The following GPD2 variants were observed in gnomAD, a reference collection of about 807,000 sequenced individuals.
GPD2 encodes the protein glycerol-3-phosphate dehydrogenase, mitochondrial.
Under a neutral mutation model 82.4 loss-of-function variants are expected in GPD2, and 54 were observed. The ratio of observed to expected loss-of-function variants is 0.66; its 90% CI spans 0.53 to 0.82. The LOEUF (loss-of-function observed/expected upper bound fraction) is 0.82. GPD2 is among the 40% of genes least tolerant of loss of function. The pLI, the probability that GPD2 is intolerant of heterozygous loss-of-function variation, is 0.00. For synonymous variants in GPD2, 288 were observed against 306.1 expected (o/e 0.94, Z 0.62); for missense variants, 748 against 896.2 (o/e 0.83, Z 2.11).
At chr2:156,493,926 A>ATGTGTGTG (rs542950582) in intron 2 of GPD2, among the ~76,000 whole-genome samples, 103 of 136,300 alleles carry the variant, frequency 7.6e-4, no homozygotes, top group African/African-American at 2.2e-3. Context: ...ATATATATGT[A>ATGTGTGTG]TGTGTGTGTG....
intron 6 of GPD2, among the ~76,000 whole-genome samples, chr2:156,526,690 A>T (rs1685621548): frequency 6.6e-6 from 1 of 152,186 alleles, no homozygotes. Context: ...AGCCATGCTT[A>T]AAAATACTGC....
chr2:156,584,115 A>C lies in GPD2; in HGVS notation c.*1197A>C, dbSNP rs1411031061. Reference sequence around the variant, plus strand: ...AATGGAAAAATAATCACCAACCCCCATCCCGACACACACACAGAGTCCAAA... The same window carrying C: ...AATGGAAAAATAATCACCAACCCCCCTCCCGACACACACACAGAGTCCAAA... On this transcript the variant is annotated 3_prime_UTR_variant, in exon 17 of 17. Coordinates refer to ENST00000438166, the MANE Select transcript of GPD2 (RefSeq NM_000408.5). 1 of 152,008 alleles carries C rather than the reference A, an allele frequency of 6.6e-6. No homozygotes were observed. Among genetic ancestry groups the C allele is most frequent in the Non-Finnish European group, 1.5e-5 (1 of 67,946 alleles). The allele number at this position is 152,008 out of a possible 1,614,324, so 9.4% of individuals were successfully genotyped here.
chr2:156,452,900 G>A (rs890113856), intron 1 of GPD2, among the ~76,000 whole-genome samples: 1 of 152,146 alleles, frequency 6.6e-6, no homozygotes, highest in South Asian at 2.1e-4. Flanking sequence ...AGGTGGATAA[G>A]TCATCATTTG....
intron 1 of GPD2, among the ~76,000 whole-genome samples, chr2:156,449,345 A>G (rs1682472279): frequency 6.6e-6 from 1 of 152,156 alleles, no homozygotes; most frequent in Admixed American, 6.5e-5. Context: ...GGCAAGAGAA[A>G]CTGTGTGGTT....
the GPD2 span, among the ~76,000 whole-genome samples, chr2:156,417,689 T>C: frequency 6.6e-6 from 1 of 152,034 alleles, no homozygotes; most frequent in Non-Finnish European, 1.5e-5. Flanking sequence ...CATGGAAACT[T>C]TTTCCTAGGA....
At chr2:156,529,437 G>T (rs1232599019) in intron 6 of GPD2, among the ~76,000 whole-genome samples, 1 of 140,882 alleles carries the variant, frequency 7.1e-6, no homozygotes, top group Non-Finnish European at 1.6e-5. Flanking sequence ...AAGCTCTTTA[G>T]TTTAATTAGA....
At chr2:156,559,166 G>A (rs1191782639) in intron 9 of GPD2, among the ~76,000 whole-genome samples, 1 of 152,082 alleles carries the variant, frequency 6.6e-6, no homozygotes, top group Non-Finnish European at 1.5e-5. Flanking sequence ...CCTGTGGGAT[G>A]TTGGTCATAT....
chr2:156,520,806 G>T (rs377219601), intron 6 of GPD2, among the ~76,000 whole-genome samples: 3 of 151,964 alleles, frequency 2.0e-5, no homozygotes, highest in African/African-American at 4.8e-5. Flanking sequence ...GGGTGGTTTC[G>T]AACACCTGAG....
intron 9 of GPD2, among the ~76,000 whole-genome samples, chr2:156,566,100 T>C (rs779529297): frequency 2.0e-5 from 3 of 152,230 alleles, no homozygotes; most frequent in Middle Eastern, 3.4e-3. Flanking sequence ...TGGTATGGGC[T>C]AATAAAGGTC....
At chr2:156,542,343 G>A (rs1003863405) in intron 6 of GPD2, among the ~76,000 whole-genome samples, 3 of 152,136 alleles carry the variant, frequency 2.0e-5, no homozygotes, top group Non-Finnish European at 4.4e-5. Context: ...TTGTACCTTT[G>A]TATTTAATAA....
intron 8 of GPD2, among the ~76,000 whole-genome samples, chr2:156,554,131 C>T (rs190642693): frequency 6.6e-6 from 1 of 152,310 alleles, no homozygotes; most frequent in East Asian, 1.9e-4. Context: ...CTTGAGGCAA[C>T]TGTACTTCTG....
chr2:156,530,455 T>C (rs1334789997), intron 6 of GPD2, among the ~76,000 whole-genome samples: 2 of 151,366 alleles, frequency 1.3e-5, no homozygotes, highest in Non-Finnish European at 2.9e-5. Flanking sequence ...TGGCCAGAAC[T>C]TCCAACACTA....
At chr2:156,577,823 T>A (rs1687880979) in intron 13 of GPD2, among the ~76,000 whole-genome samples, 1 of 152,210 alleles carries the variant, frequency 6.6e-6, no homozygotes, top group African/African-American at 2.4e-5. Flanking sequence ...TTCTCCACAT[T>A]CTAGATTGGC....
At chr2:156,580,991 A>T (rs996303409) in intron 16 of GPD2, among the ~76,000 whole-genome samples, 1 of 152,278 alleles carries the variant, frequency 6.6e-6, no homozygotes, top group Non-Finnish European at 1.5e-5. Context: ...GCTTCATTTC[A>T]TGTGTTGTAA....
At chr2:156,480,617 G>T (rs552961031) in intron 2 of GPD2, among the ~76,000 whole-genome samples, 1 of 60,896 alleles carries the variant, frequency 1.6e-5, no homozygotes, top group Non-Finnish European at 4.1e-5. Context: ...CCATGACCTG[G>T]TCTGAAGGTG....
intron 2 of GPD2, chr2:156,495,432 A>T (rs1040481985): frequency 4.3e-6 from 1 of 230,884 alleles, no homozygotes; most frequent in Admixed American, 5.5e-5. Flanking sequence ...AATATTTAGT[A>T]TGGAAGTCTT....
intron 6 of GPD2, among the ~76,000 whole-genome samples, chr2:156,533,844 A>G (rs1387841110): frequency 1.3e-5 from 2 of 152,192 alleles, no homozygotes; most frequent in Admixed American, 1.3e-4. Context: ...AGCACACAGA[A>G]GGGCAGCTGC....
chr2:156,475,465 A>T (rs1396114664), intron 1 of GPD2, among the ~76,000 whole-genome samples: 2 of 152,074 alleles, frequency 1.3e-5, no homozygotes, highest in Non-Finnish European at 2.9e-5. Flanking sequence ...AGTAGCTGGG[A>T]TCACAGGCAT....
At chr2:156,472,811 G>T (rs1461541366) in intron 1 of GPD2, among the ~76,000 whole-genome samples, 1 of 152,150 alleles carries the variant, frequency 6.6e-6, no homozygotes, top group Non-Finnish European at 1.5e-5. Flanking sequence ...TGCCTTTTGA[G>T]ACCAAAGGCA....
Sources: gnomAD v4.1 joint callset for allele counts (sites outside exome capture counted in the v4.1 genomes callset) on GRCh38, gnomAD v4.1.1 for gene constraint, MANE v1.5 for transcripts, NCBI Gene and HGNC (gene_info 2026-07-23, HGNC 2026-07-21) for gene names.